Variants in RASGEF1C observed in about 807,000 individuals in gnomAD.
RASGEF1C encodes RasGEF domain family member 1C, also known as ras-GEF domain-containing family member 1C.
Under a neutral mutation model 58.1 loss-of-function variants are expected in RASGEF1C, and 27 were observed. The observed-to-expected ratio is 0.46, with a 90% confidence interval of 0.34 to 0.64. RASGEF1C has a LOEUF of 0.64. Ranked by LOEUF, RASGEF1C falls within the 30% of genes least tolerant of loss-of-function variation. The pLI, the probability that RASGEF1C is intolerant of heterozygous loss-of-function variation, is 0.01. For synonymous variants in RASGEF1C, 243 were observed against 246.3 expected (o/e 0.99, Z 0.13); for missense variants, 502 against 605.1 (o/e 0.83, Z 1.79).
intron 1 of RASGEF1C, among the ~76,000 whole-genome samples, chr5:180,183,490 T>C (rs1755950345): frequency 1.1e-4 from 1 of 9,298 alleles, no homozygotes; most frequent in Admixed American, 2.1e-3. Flanking sequence ...TCAAAAGAAG[T>C]CAGAAAAAAA....
chr5:180,193,048 T>C (rs1298695987), intron 1 of RASGEF1C, among the ~76,000 whole-genome samples: 1 of 61,542 alleles, frequency 1.6e-5, no homozygotes, highest in African/African-American at 4.4e-5. Flanking sequence ...GCCCGGCCAG[T>C]TTTTTTTGTT....
chr5:180,162,755 C>A (rs1766961772), intron 1 of RASGEF1C, among the ~76,000 whole-genome samples: 1 of 152,124 alleles, frequency 6.6e-6, no homozygotes, highest in African/African-American at 2.4e-5. Flanking sequence ...TATATTTCCA[C>A]AAAAAAATCC....
rs936317151 is a variant in RASGEF1C at position 180,155,667 on chromosome 5, G to C, written c.-6-17609C>G. 1.3e-5 allele frequency among the ~76,000 whole-genome samples: 2 copies of C among 151,972 alleles called. No individual in the cohort carries two copies. The highest frequency in any genetic ancestry group is 2.9e-5 in the Non-Finnish European group (2 of 67,994). On this transcript the variant is annotated intron_variant, in intron 1 of 13. Coordinates refer to ENST00000361132, the MANE Select transcript of RASGEF1C (RefSeq NM_175062.4). The surrounding 1 kb of genome is among the most constrained non-coding windows in gnomAD (Gnocchi z 5.2). ...CACTAAATATAGAGCTCTCCCAAGA[G>C]GGCAAGTCAGCCTCTCTCCCGCTCC...
intron 1 of RASGEF1C, among the ~76,000 whole-genome samples, chr5:180,186,356 C>A (rs989865522): frequency 6.6e-6 from 1 of 152,038 alleles, no homozygotes; most frequent in African/African-American, 2.4e-5. Flanking sequence ...GATCAACAAA[C>A]AAATATCAGC....
chr5:180,118,942 T>C, intron 8 of RASGEF1C, 76 bp from the exon 9 acceptor site: 6 of 1,377,162 alleles, frequency 4.4e-6, no homozygotes, highest in Non-Finnish European at 6.2e-6. Context: ...CCCCTTGGAC[T>C]GCACCCTGAC....
At chr5:180,150,360 G>A (rs1364683854) in intron 1 of RASGEF1C, among the ~76,000 whole-genome samples, 3 of 152,178 alleles carry the variant, frequency 2.0e-5, no homozygotes, top group Admixed American at 1.3e-4. Flanking sequence ...AGTCTGTCAT[G>A]TAGTCTTTCT....
chr5:180,151,791 A>G (rs1234622371), intron 1 of RASGEF1C, among the ~76,000 whole-genome samples: 1 of 151,942 alleles, frequency 6.6e-6, no homozygotes, highest in Non-Finnish European at 1.5e-5. Context: ...AACCTACAGA[A>G]TGGGAGAAAA....
chr5:180,201,434 G>C (rs554579233), intron 1 of RASGEF1C, among the ~76,000 whole-genome samples: 1 of 152,282 alleles, frequency 6.6e-6, no homozygotes, highest in African/African-American at 2.4e-5. Context: ...AACAACAGGA[G>C]AGGGCGCTCT....
At chr5:180,193,849 C>T (rs1756212729) in intron 1 of RASGEF1C, among the ~76,000 whole-genome samples, 1 of 152,116 alleles carries the variant, frequency 6.6e-6, no homozygotes, top group South Asian at 2.1e-4. Context: ...GACAAAGTCC[C>T]CATCAGTCCA....
At chr5:180,106,834 AGTT>A (rs2113236025) in intron 12 of RASGEF1C, among the ~76,000 whole-genome samples, 1 of 152,322 alleles carries the variant, frequency 6.6e-6, no homozygotes, top group Non-Finnish European at 1.5e-5. Context: ...TTTTCTGTCT[AGTT>A]GTTCTATCAA....
At chr5:180,199,174 C>T (rs945844753) in intron 1 of RASGEF1C, among the ~76,000 whole-genome samples, 4 of 152,192 alleles carry the variant, frequency 2.6e-5, no homozygotes, top group Admixed American at 6.5e-5. Context: ...AGAAGCATCA[C>T]ATTCTGCAAT....
chr5:180,132,052 C>T (rs974646263), intron 4 of RASGEF1C, among the ~76,000 whole-genome samples: 5 of 152,160 alleles, frequency 3.3e-5, no homozygotes, highest in Non-Finnish European at 5.9e-5. Context: ...TTGGAGATCT[C>T]GCTGGTAGAT....
chr5:180,171,849 C>T (rs1055537826), intron 1 of RASGEF1C, among the ~76,000 whole-genome samples: 9 of 152,284 alleles, frequency 5.9e-5, no homozygotes, highest in Middle Eastern at 3.4e-3. Flanking sequence ...AGGACCTGCT[C>T]GGCAGCCAGG....
chr5:180,193,053 T>G (rs937872217), intron 1 of RASGEF1C, among the ~76,000 whole-genome samples: 2 of 149,032 alleles, frequency 1.3e-5, no homozygotes, highest in African/African-American at 5.0e-5. Flanking sequence ...GCCAGTTTTT[T>G]TTGTTGTTGT....
rs370593655 is a variant in RASGEF1C at position 180,119,299 on chromosome 5, C to T, written c.907+47G>A. The T allele has an allele frequency of 5.0e-5, 76 of 1,509,094 alleles. No individual in the cohort carries two copies. The Middle Eastern group carries it at 5.1e-4, about 10-fold the overall frequency. The allele number at this position is 1,509,094 out of a possible 1,614,324, so 93.5% of individuals were successfully genotyped here. On this transcript the variant is annotated intron_variant, in intron 8 of 13. Coordinates refer to ENST00000361132, the MANE Select transcript of RASGEF1C (RefSeq NM_175062.4). ...CCTGGCTGCACCCACTCCGGCCTCT[C>T]GGGGGACCCGTGCACTGGGGGCCAC...
chr5:180,140,464 C>G (rs1766557716), intron 1 of RASGEF1C, among the ~76,000 whole-genome samples: 1 of 152,224 alleles, frequency 6.6e-6, no homozygotes, highest in African/African-American at 2.4e-5. Context: ...CAGAGCTGTG[C>G]AGAGACTGCC....
intron 11 of RASGEF1C, among the ~76,000 whole-genome samples, chr5:180,112,443 C>G (rs983754094): frequency 6.6e-6 from 1 of 152,240 alleles, no homozygotes; most frequent in Admixed American, 6.5e-5. Flanking sequence ...CATGCTGCAC[C>G]TCTACCCCCA....
chr5:180,179,312 A>G (rs868604445), intron 1 of RASGEF1C, among the ~76,000 whole-genome samples: 1 of 152,204 alleles, frequency 6.6e-6, no homozygotes, highest in Middle Eastern at 3.4e-3. Context: ...AGAAGGGAGT[A>G]GAGGGTGGTG....
chr5:180,106,150 A>AG (rs1765871361), intron 12 of RASGEF1C, among the ~76,000 whole-genome samples: 1 of 152,244 alleles, frequency 6.6e-6, no homozygotes, highest in South Asian at 2.1e-4. Flanking sequence ...ACTACAGATA[A>AG]GGGGGGACTA....
Sources: gnomAD v4.1 joint callset for allele counts (sites outside exome capture counted in the v4.1 genomes callset) on GRCh38, gnomAD v4.1.1 for gene constraint, Gnocchi (gnomAD v3.1) non-coding constraint, MANE v1.5 for transcripts, NCBI Gene and HGNC (gene_info 2026-07-23, HGNC 2026-07-21) for gene names.